CMTM4: variants seen among roughly 807,000 people sequenced by gnomAD.
The protein encoded by CMTM4 is CKLF-like MARVEL transmembrane domain-containing protein 4.
Under a neutral mutation model 19.0 loss-of-function variants are expected in CMTM4, and 8 were observed. The observed-to-expected ratio is 0.42, with a 90% CI of 0.25 to 0.76. The LOEUF (loss-of-function observed/expected upper bound fraction) is 0.76, where lower values mean the gene tolerates loss of function less well. Ranked by LOEUF, CMTM4 falls within the 30% of genes least tolerant of loss-of-function variation. The pLI is 0.27. For synonymous variants in CMTM4, 106 were observed against 121.1 expected, an observed-to-expected ratio of 0.88 and a Z score of 0.82; for missense variants, 228 against 290.2, an observed-to-expected ratio of 0.79 and a Z score of 1.56.
Position 66,619,094 on chromosome 16 carries a change from T to C in CMTM4, c.*2964A>G, listed in dbSNP as rs1387368201. 7.1e-6 allele frequency: 7 copies of C among 985,392 alleles called. No individual in the cohort carries two copies. The highest frequency in any genetic ancestry group is 7.0e-5 in the African/African-American group (4 of 57,256). The allele number at this position is 985,392 out of a possible 1,614,324, so 61.0% of individuals were successfully genotyped here. On this transcript the variant is annotated 3_prime_UTR_variant, in exon 4 of 4. Coordinates refer to ENST00000394106, the MANE Select transcript of CMTM4 (RefSeq NM_181521.3). The stretch of plus-strand genomic sequence containing the variant: ...TTTTAATCTGAAACTGCATCTGTTC[T>C]TCCCAGCTTTATGTGGGGCCAACAA...
chr16:66,628,146 A>G (rs545037858), intron 2 of CMTM4, among the ~76,000 whole-genome samples: 2 of 152,358 alleles, frequency 1.3e-5, no homozygotes, highest in African/African-American at 4.8e-5. Flanking sequence ...GCCTCCCGCC[A>G]TAGGGCGGTT....
At chr16:66,628,252 T>C (rs929686228) in intron 2 of CMTM4, among the ~76,000 whole-genome samples, 2 of 152,220 alleles carry the variant, frequency 1.3e-5, no homozygotes, top group African/African-American at 4.8e-5. Flanking sequence ...CCTTTCTCTA[T>C]CTCAACTGCA....
Position 66,622,240 on chromosome 16 carries a change from C to G in CMTM4, c.463-18G>C. 6.2e-7 allele frequency: 1 copy of G among 1,612,440 alleles called. No homozygotes were observed. The highest frequency in any genetic ancestry group is 8.5e-7 in the Non-Finnish European group (1 of 1,179,342). On this transcript the variant is annotated intron_variant, in intron 3 of 3. Coordinates refer to ENST00000394106, the MANE Select transcript of CMTM4 (RefSeq NM_181521.3). The surrounding 1 kb of genome is among the most constrained non-coding windows in gnomAD (Gnocchi z 4.0). ...CCAAATATCTAAAAACACACCAGCA[C>G]AGTTAGTCCTCGGGCACGTGGCCTG...
rs2015541708 is a variant in CMTM4 at position 66,617,209 on chromosome 16, C to A, written c.*4849G>T. On this transcript the variant is annotated 3_prime_UTR_variant, in exon 4 of 4. Coordinates refer to ENST00000394106, the MANE Select transcript of CMTM4 (RefSeq NM_181521.3). ...GAATTAAAGCCTCAGCATAAAAAAA[C>A]AAACATAGACAACAAACTTACCCTA... The A allele has an allele frequency of 2.0e-6, 3 of 1,502,222 alleles. No individual in the cohort carries two copies. The highest frequency in any genetic ancestry group is 2.7e-6 in the Non-Finnish European group (3 of 1,095,078). 93.1% of individuals were successfully genotyped at this position (1,502,222 alleles called of 1,614,324 possible). A position where few individuals can be genotyped will look rare whatever the true frequency, so the allele number is the denominator to read the frequency against.
At chr16:66,634,946 T>G (rs1159146758) in intron 2 of CMTM4, among the ~76,000 whole-genome samples, 3 of 152,132 alleles carry the variant, frequency 2.0e-5, no homozygotes, top group African/African-American at 7.2e-5. Flanking sequence ...CAGCTGCTTC[T>G]TTGTCAAACA....
chr16:66,629,728 T>C (rs1468291660), intron 2 of CMTM4, among the ~76,000 whole-genome samples: 5 of 152,166 alleles, frequency 3.3e-5, no homozygotes, highest in Non-Finnish European at 4.4e-5. Flanking sequence ...CCCCATCCCC[T>C]GGACCTCCAG....
At position 66,620,884 on chromosome 16, in the gene CMTM4, A is replaced by G. The variant is rs994352471; in HGVS notation, c.*1174T>C. ...GACTCACTGAACTCATTCACCACAC[A>G]CAATAATCTTCACTTTATCAAGAAT... is the stretch of plus-strand genomic sequence containing the variant. On this transcript the variant is annotated 3_prime_UTR_variant, in exon 4 of 4. Transcript: ENST00000394106. 2.0e-6 allele frequency: 2 copies of G among 985,666 alleles called. No homozygotes were observed. Among genetic ancestry groups the G allele is most frequent in the Admixed American group, 1.2e-4 (2 of 16,274 alleles). 61.1% of individuals were successfully genotyped at this position (985,666 alleles called of 1,614,324 possible).
chr16:66,619,870 T>G lies in CMTM4; in HGVS notation c.*2188A>C, dbSNP rs2015596810. The G allele has an allele frequency of 6.1e-6, 6 of 985,406 alleles. No homozygotes were observed. The highest frequency in any genetic ancestry group is 7.2e-6 in the Non-Finnish European group (6 of 829,912). 61.0% of individuals were successfully genotyped at this position (985,406 alleles called of 1,614,324 possible). ...AAGAGTCTATCACGAAGATGCAAAT[T>G]AACTCCTAAGTCACTCTCTGGCGTG... On this transcript the variant is annotated 3_prime_UTR_variant, in exon 4 of 4. Coordinates refer to ENST00000394106, the MANE Select transcript of CMTM4 (RefSeq NM_181521.3).
rs932956952 is a variant in CMTM4 at position 66,619,420 on chromosome 16, T to C, written c.*2638A>G. ...GTTTTGCTTTAAATGTGAAAACCAA[T>C]ATCGTCCCACCAGAACACTGAGAAA... On this transcript the variant is annotated 3_prime_UTR_variant, in exon 4 of 4. Transcript: ENST00000394106. 5.1e-6 allele frequency: 5 copies of C among 985,406 alleles called. No individual in the cohort carries two copies. The highest frequency in any genetic ancestry group is 6.1e-5 in the Admixed American group (1 of 16,278). 61.0% of individuals were successfully genotyped at this position (985,406 alleles called of 1,614,324 possible). A position where few individuals can be genotyped will look rare whatever the true frequency, so the allele number is the denominator to read the frequency against.
At chr16:66,669,271 C>T (rs1189595110) in intron 1 of CMTM4, among the ~76,000 whole-genome samples, 1 of 151,996 alleles carries the variant, frequency 6.6e-6, no homozygotes, top group Non-Finnish European at 1.5e-5. Context: ...CTGGAAATGA[C>T]AAAACTATAC....
rs190128254 is a variant in CMTM4 at position 66,624,653 on chromosome 16, G to A, written c.364-1151C>T. ...ATGGTGGCGCATGCCTGTAATCCCA[G>A]CTACTTGGGCAGCTGAAGTACGAGA... On this transcript the variant is annotated intron_variant, in intron 2 of 3. Coordinates refer to ENST00000394106, the MANE Select transcript of CMTM4 (RefSeq NM_181521.3). 5.3e-5 allele frequency among the ~76,000 whole-genome samples: 8 copies of A among 152,340 alleles called. No homozygotes were observed. The East Asian group carries it at 1.5e-3, about 29-fold the overall frequency.
At chr16:66,655,543 GTGTTTA>G (rs1182028345) in intron 1 of CMTM4, among the ~76,000 whole-genome samples, 10 of 150,488 alleles carry the variant, frequency 6.6e-5, no homozygotes, top group Non-Finnish European at 1.2e-4. Context: ...GTGTGTGTGT[GTGTTTA>G]TTTATGTGTG....
intron 1 of CMTM4, among the ~76,000 whole-genome samples, chr16:66,656,291 A>G (rs1441957142): frequency 6.6e-6 from 1 of 152,196 alleles, no homozygotes; most frequent in East Asian, 1.9e-4. Flanking sequence ...TTTGGCAGCT[A>G]TCGTAATTCT....
chr16:66,668,027 C>T (rs1484753630), intron 1 of CMTM4, among the ~76,000 whole-genome samples: 1 of 151,812 alleles, frequency 6.6e-6, no homozygotes, highest in Non-Finnish European at 1.5e-5. Flanking sequence ...TTTTGAGAGA[C>T]AGGGTCTCAC....
In CMTM4 at chr16:66,696,743, G is replaced by C. The variant is rs1306518096; in HGVS notation, c.-218C>G. 1 of 149,450 alleles carries C rather than the reference G, an allele frequency of 6.7e-6. No individual in the cohort carries two copies. The highest frequency in any genetic ancestry group is 1.5e-5 in the Non-Finnish European group (1 of 67,924). The allele number at this position is 149,450 out of a possible 1,614,324, so 9.3% of individuals were successfully genotyped here. On this transcript the variant is annotated 5_prime_UTR_variant, in exon 1 of 4. Transcript: ENST00000394106. The surrounding 1 kb of genome is among the most constrained non-coding windows in gnomAD (Gnocchi z 4.3). Reference sequence around the variant, plus strand: ...TCCCGCCGCCTCGGCAGCGGAAAGGGAGGGAGGTGGGAGCCAGGAGAGGGA... The same window carrying C: ...TCCCGCCGCCTCGGCAGCGGAAAGGCAGGGAGGTGGGAGCCAGGAGAGGGA...
chr16:66,605,056 G>A, the CMTM4 span: 3 of 1,054,880 alleles, frequency 2.8e-6, no homozygotes, highest in Non-Finnish European at 3.7e-6. This position sits in a 1 kb window ranked among gnomAD's most constrained non-coding sequence, Gnocchi z 4.6. Flanking sequence ...GCCGTGCTCC[G>A]ATACCCCCTC....
At position 66,619,660 on chromosome 16, in the gene CMTM4, C is replaced by A. The variant is rs762200275; in HGVS notation, c.*2398G>T. 148 of 985,242 alleles carry A rather than the reference C, an allele frequency of 1.5e-4. No homozygotes were observed. Among genetic ancestry groups the A allele is most frequent in the Non-Finnish European group, 1.7e-4 (144 of 829,926 alleles). The allele number at this position is 985,242 out of a possible 1,614,324, so 61.0% of individuals were successfully genotyped here. A position where few individuals can be genotyped will look rare whatever the true frequency, so the allele number is the denominator to read the frequency against. ...ATAACCCTATTCCCTCCAGAACTTT[C>A]GTCACCACGTGGTCTATACATGATG... On this transcript the variant is annotated 3_prime_UTR_variant, in exon 4 of 4. Transcript: ENST00000394106.
intron 2 of CMTM4, among the ~76,000 whole-genome samples, chr16:66,630,706 C>G (rs1342594457): frequency 6.6e-6 from 1 of 151,862 alleles, no homozygotes; most frequent in Admixed American, 6.6e-5. Context: ...ACCTCCCAGC[C>G]GCCAGCCTTG....
chr16:66,632,900 T>C (rs1321596528), intron 2 of CMTM4, among the ~76,000 whole-genome samples: 1 of 151,308 alleles, frequency 6.6e-6, no homozygotes, highest in Non-Finnish European at 1.5e-5. Context: ...CTGACCAACA[T>C]GGAGAAACCC....
Sources: allele counts gnomAD v4.1 joint callset (sites outside exome capture counted in the v4.1 genomes callset), GRCh38; gene constraint gnomAD v4.1.1; non-coding constraint Gnocchi (gnomAD v3.1); transcripts MANE v1.5; gene names NCBI Gene and HGNC (gene_info 2026-07-23, HGNC 2026-07-21).